Variants in TENM2 observed in about 807,000 individuals in gnomAD.
TENM2 encodes teneurin transmembrane protein 2, also known as teneurin-2.
TENM2 carries 52 observed loss-of-function variants against 245.2 expected under a neutral mutation model. The ratio of observed to expected loss-of-function variants is 0.21; its 90% CI spans 0.17 to 0.27. The LOEUF is 0.27. Among genes scored for constraint, TENM2 ranks in the 10% least tolerant of loss-of-function variants. The pLI is 1.00. For synonymous variants in TENM2, 1,363 were observed against 1,438.9 expected (o/e 0.95, Z 1.19); for missense variants, 3,046 against 3,666.8 (o/e 0.83, Z 4.37).
chr5:167,350,693 GA>G (rs1758806006), intron 1 of TENM2, among the ~76,000 whole-genome samples: 1 of 140,382 alleles, frequency 7.1e-6, no homozygotes, highest in Non-Finnish European at 1.5e-5. Flanking sequence ...ATATATATGG[GA>G]TACATATATG....
At chr5:167,526,360 GCACACACACACACA>G (rs72349867) in intron 2 of TENM2, among the ~76,000 whole-genome samples, 27 of 144,156 alleles carry the variant, frequency 1.9e-4, no homozygotes, top group Non-Finnish European at 2.6e-4. Context: ...TTAAGAAATA[GCACACACACACACA>G]CACACACACA....
chr5:167,345,258 A>G (rs1454669144), intron 1 of TENM2, among the ~76,000 whole-genome samples: 4 of 152,206 alleles, frequency 2.6e-5, no homozygotes, highest in Admixed American at 6.5e-5. Context: ...CGATTGCATG[A>G]GAAAGCCATG....
At chr5:168,239,746 A>G (rs1019703728) in intron 25 of TENM2, among the ~76,000 whole-genome samples, 6 of 152,188 alleles carry the variant, frequency 3.9e-5, no homozygotes, top group Non-Finnish European at 7.3e-5. Flanking sequence ...CCATGATTAC[A>G]TATTATAGTA....
intron 4 of TENM2, among the ~76,000 whole-genome samples, chr5:167,956,997 A>G (rs1292885347): frequency 1.3e-5 from 2 of 152,194 alleles, no homozygotes; most frequent in African/African-American, 4.8e-5. Context: ...AAAATGAGTT[A>G]GGGAGGAGTC....
the TENM2 span, among the ~76,000 whole-genome samples, chr5:167,139,645 T>A: frequency 6.6e-6 from 1 of 152,214 alleles, no homozygotes; most frequent in Non-Finnish European, 1.5e-5. Flanking sequence ...CTAATGGTTG[T>A]GTGTGTATTT....
At chr5:167,330,529 G>GAGTA (rs1757376572) in intron 1 of TENM2, among the ~76,000 whole-genome samples, 1 of 152,070 alleles carries the variant, frequency 6.6e-6, no homozygotes, top group African/African-American at 2.4e-5. Context: ...TTTTCACAGA[G>GAGTA]AGTAGTCTCT....
chr5:168,069,477 C>A (rs2152120135), intron 7 of TENM2, among the ~76,000 whole-genome samples: 1 of 152,312 alleles, frequency 6.6e-6, no homozygotes, highest in African/African-American at 2.4e-5. Context: ...AAATGTCCTG[C>A]ACTCAGAGAT....
At chr5:167,297,978 A>G (rs1447101168) in intron 1 of TENM2, among the ~76,000 whole-genome samples, 5 of 152,170 alleles carry the variant, frequency 3.3e-5, no homozygotes, top group African/African-American at 9.7e-5. Flanking sequence ...GGAACCGGCC[A>G]TCTGGATGTG....
At chr5:167,005,979 CT>C in the TENM2 span, among the ~76,000 whole-genome samples, 16 of 151,978 alleles carry the variant, frequency 1.1e-4, no homozygotes, top group African/African-American at 3.6e-4. Context: ...GTTTTAACTG[CT>C]GAAGTCTTGA....
At chr5:167,334,987 G>A (rs1055577201) in intron 1 of TENM2, among the ~76,000 whole-genome samples, 6 of 152,154 alleles carry the variant, frequency 3.9e-5, no homozygotes, top group African/African-American at 1.4e-4. Context: ...CATAAATAGG[G>A]CTTGACTATT....
chr5:168,169,023 C>CATTGTT (rs1365077334), intron 13 of TENM2, among the ~76,000 whole-genome samples: 2 of 152,154 alleles, frequency 1.3e-5, no homozygotes, highest in African/African-American at 4.8e-5. Context: ...TGGATAAACA[C>CATTGTT]ATTGTTATTA....
chr5:167,803,008 T>C (rs750106326), intron 2 of TENM2, among the ~76,000 whole-genome samples: 2 of 152,152 alleles, frequency 1.3e-5, no homozygotes, highest in African/African-American at 4.8e-5. Flanking sequence ...TTCAGGTAGA[T>C]ACCAGCAGAG....
At chr5:167,634,736 AG>A (rs1319794852) in intron 2 of TENM2, among the ~76,000 whole-genome samples, 4 of 152,076 alleles carry the variant, frequency 2.6e-5, no homozygotes, top group Non-Finnish European at 4.4e-5. Flanking sequence ...TTACTCAGCC[AG>A]GGTGAAACTG....
chr5:166,986,024 A>G, the TENM2 span, among the ~76,000 whole-genome samples: 106 of 152,316 alleles, frequency 7.0e-4, no homozygotes, highest in African/African-American at 2.5e-3. Flanking sequence ...CAAATGATCA[A>G]ACAAAGCAGA....
At chr5:168,122,286 C>G (rs1224676003) in intron 10 of TENM2, among the ~76,000 whole-genome samples, 1 of 152,254 alleles carries the variant, frequency 6.6e-6, no homozygotes, top group Non-Finnish European at 1.5e-5. Flanking sequence ...ACACCATACT[C>G]CTGCCTCAGC....
intron 2 of TENM2, among the ~76,000 whole-genome samples, chr5:167,847,179 C>G (rs1183560367): frequency 1.3e-5 from 2 of 152,176 alleles, no homozygotes; most frequent in Admixed American, 6.5e-5. Context: ...TCTTGAACTC[C>G]TGGGCTTAAG....
chr5:167,417,288 C>T (rs903598889), intron 2 of TENM2, among the ~76,000 whole-genome samples: 22 of 152,156 alleles, frequency 1.4e-4, no homozygotes, highest in Non-Finnish European at 2.6e-4. Flanking sequence ...CTTGCTGATT[C>T]CTTCCCAGCA....
chr5:167,087,893 A>G, the TENM2 span, among the ~76,000 whole-genome samples: 1 of 151,870 alleles, frequency 6.6e-6, no homozygotes, highest in Admixed American at 6.6e-5. Context: ...GGGTTCCAGC[A>G]ATTCTCCTGC....
chr5:168,237,968 C>G lies in TENM2; in HGVS notation c.5521-6452C>G, dbSNP rs921973698. On this transcript the variant is annotated intron_variant, in intron 25 of 28. Transcript: ENST00000518659. ...CCATCTTGGCTAACACGGTGAAACC[C>G]CGTCTCTACTAAAAAAATACAAAAA... Among the ~76,000 whole-genome samples the G allele has an allele frequency of 1.2e-4, 18 of 151,254 alleles. 1 individual carries two copies. The highest frequency in any genetic ancestry group is 3.6e-4 in the African/African-American group (15 of 41,228).
Sources: gnomAD v4.1 joint callset for allele counts (sites outside exome capture counted in the v4.1 genomes callset) on GRCh38, gnomAD v4.1.1 for gene constraint, MANE v1.5 for transcripts, NCBI Gene and HGNC (gene_info 2026-07-23, HGNC 2026-07-21) for gene names.